The following KCNH7 variants were observed in gnomAD, a reference collection of about 807,000 sequenced individuals.
KCNH7 encodes the protein potassium voltage-gated channel subfamily H member 7.
Under a neutral mutation model 120.8 loss-of-function variants are expected in KCNH7, and 49 were observed. That is an observed-to-expected ratio of 0.41 (90% CI 0.32 to 0.51). The LOEUF is 0.51. KCNH7 is among the 20% of genes least tolerant of loss of function. The probability of loss-of-function intolerance (pLI) is 0.38; values close to 1 mark genes in which losing one functional copy is unlikely to be tolerated. For missense variants in KCNH7, 1,097 were observed against 1,446.6 expected, an observed-to-expected ratio of 0.76 and a Z score of 3.92; for synonymous variants, 547 against 516.1, an observed-to-expected ratio of 1.06 and a Z score of -0.81.
At chr2:162,690,042 G>A (rs1227956214) in intron 2 of KCNH7, among the ~76,000 whole-genome samples, 1 of 152,120 alleles carries the variant, frequency 6.6e-6, no homozygotes, top group Non-Finnish European at 1.5e-5. Flanking sequence ...GGAATAATAT[G>A]CAACCATAAA....
chr2:162,645,574 A>C (rs186732517), intron 2 of KCNH7, among the ~76,000 whole-genome samples: 1 of 152,316 alleles, frequency 6.6e-6, no homozygotes, highest in East Asian at 1.9e-4. Flanking sequence ...ATAAACGTTA[A>C]AATTAAAGAA....
chr2:162,397,069 T>C (rs897194954), intron 10 of KCNH7, 124 bp from the exon 11 acceptor site: 7 of 663,238 alleles, frequency 1.1e-5, no homozygotes, highest in African/African-American at 9.1e-5. Context: ...TGAGCAATGT[T>C]CCAGCACCTT....
chr2:162,435,743 C>CTTT, intron 7 of KCNH7, 146 bp from the exon 8 acceptor site: 1 of 647,760 alleles, frequency 1.5e-6, no homozygotes, highest in Non-Finnish European at 2.4e-6. Context: ...AAACTTGGTT[C>CTTT]TTTTTTTTTT....
At chr2:162,803,446 A>G (rs1573906877) in intron 2 of KCNH7, among the ~76,000 whole-genome samples, 6 of 151,702 alleles carry the variant, frequency 4.0e-5, no homozygotes, top group Admixed American at 3.9e-4. Flanking sequence ...CAGTCACAGA[A>G]CTTTATCATC....
intron 2 of KCNH7, among the ~76,000 whole-genome samples, chr2:162,700,988 C>T (rs781493886): frequency 8.5e-5 from 13 of 152,152 alleles, no homozygotes; most frequent in Non-Finnish European, 1.3e-4. Context: ...TATGCCAGGG[C>T]ACTGGTTTCA....
intron 13 of KCNH7, 129 bp from the exon 14 acceptor site, chr2:162,380,150 C>T: frequency 9.1e-7 from 1 of 1,103,472 alleles, no homozygotes; most frequent in Non-Finnish European, 1.3e-6. Flanking sequence ...CAAAAGTATT[C>T]AGTGATGTGT....
chr2:162,752,907 A>AAGAAAAGAAAT (rs1688615458), intron 2 of KCNH7, among the ~76,000 whole-genome samples: 16 of 29,806 alleles, frequency 5.4e-4, no homozygotes, highest in Non-Finnish European at 6.2e-4. Flanking sequence ...TCTCAGAAAA[A>AAGAAAAGAAAT]GAAAAGAAAA....
Position 162,517,817 on chromosome 2 carries a change from T to C in KCNH7, c.805A>G (p.Ser269Gly), listed in dbSNP as rs747994474. Residue 269 changes from serine (S) to glycine (G), a missense_variant, in exon 4 of 16, where the codon AGT becomes GGT. Ser to Gly is a moderately conservative substitution (Grantham distance 56). This residue lies in a region of KCNH7 where 362 missense variants were observed against 372.2 expected (regional missense o/e 0.97). Coordinates refer to ENST00000332142, the MANE Select transcript of KCNH7 (RefSeq NM_033272.4). The part of the protein sequence containing the change: ...SHSRSRESLC[S>G]IRRASSVHDI... ...TGGACCGAAGATGCTCTCCGTATAC[T>C]ACATAAGCTTTCCCTTGATCTGGAA... 7.4e-6 allele frequency: 12 copies of C among 1,612,320 alleles called. No individual in the cohort carries two copies. The highest frequency in any genetic ancestry group is 2.2e-5 in the East Asian group (1 of 44,736).
At chr2:162,746,844 T>C (rs1463975201) in intron 2 of KCNH7, among the ~76,000 whole-genome samples, 1 of 152,102 alleles carries the variant, frequency 6.6e-6, no homozygotes, top group Non-Finnish European at 1.5e-5. Flanking sequence ...CATGAAGCCT[T>C]TCAAAATTGT....
In KCNH7 at chr2:162,697,038, T is replaced by C. The variant is rs182019810; in HGVS notation, c.307+139499A>G. On this transcript the variant is annotated intron_variant, in intron 2 of 15. Coordinates refer to ENST00000332142, the MANE Select transcript of KCNH7 (RefSeq NM_033272.4). ...GTATAAACTGATGGAGGGGGTCTCTTTATAAAACTATTTCCATTAATAAAT... is the reference window on the plus strand; with the variant it reads ...GTATAAACTGATGGAGGGGGTCTCTCTATAAAACTATTTCCATTAATAAAT... Among the ~76,000 whole-genome samples, 36 of 152,278 alleles carry C rather than the reference T, an allele frequency of 2.4e-4. No individual in the cohort carries two copies. In the East Asian group the frequency reaches 6.4e-3, roughly 27 times the overall value.
chr2:162,521,582 A>C (rs1027987433), intron 3 of KCNH7, among the ~76,000 whole-genome samples: 1 of 151,900 alleles, frequency 6.6e-6, no homozygotes, highest in African/African-American at 2.4e-5. Flanking sequence ...TAGTGACACA[A>C]ATCATTGCAA....
chr2:162,668,055 T>C (rs1485360333), intron 2 of KCNH7, among the ~76,000 whole-genome samples: 1 of 152,220 alleles, frequency 6.6e-6, no homozygotes, highest in Non-Finnish European at 1.5e-5. Context: ...AACTCTGTGA[T>C]TAATGTTCAT....
intron 4 of KCNH7, among the ~76,000 whole-genome samples, chr2:162,513,617 T>C (rs1691188717): frequency 6.6e-6 from 1 of 151,546 alleles, no homozygotes; most frequent in Non-Finnish European, 1.5e-5. Context: ...CCTTAGTAGC[T>C]GGGACTACAA....
chr2:162,575,889 C>T (rs1036714802), intron 2 of KCNH7, among the ~76,000 whole-genome samples: 1 of 152,058 alleles, frequency 6.6e-6, no homozygotes, highest in African/African-American at 2.4e-5. Context: ...TGCCATGTAG[C>T]TGTAAAATTA....
At chr2:162,465,644 G>T (rs1360007250) in intron 6 of KCNH7, among the ~76,000 whole-genome samples, 1 of 152,162 alleles carries the variant, frequency 6.6e-6, no homozygotes, top group Non-Finnish European at 1.5e-5. Context: ...AGTGAGTCAT[G>T]CTGAGTAATG....
At chr2:162,431,030 C>T (rs1330833857) in intron 8 of KCNH7, among the ~76,000 whole-genome samples, 1 of 151,966 alleles carries the variant, frequency 6.6e-6, no homozygotes, top group Non-Finnish European at 1.5e-5. Context: ...TATCTGGTTA[C>T]TGTACTCTGT....
rs188194311 is a variant in KCNH7 at position 162,504,414 on chromosome 2, T to C, written c.1128+29A>G. ...GTGCAGAAACAAACCTCTAAAACAG[T>C]TGAAATTGATAAGAAAATTGTGTCC... On this transcript the variant is annotated intron_variant, in intron 6 of 15. Transcript: ENST00000332142. 2.6e-3 allele frequency: 3,974 copies of C among 1,520,100 alleles called. 11 individuals are homozygous for C. Among genetic ancestry groups the C allele is most frequent in the Middle Eastern group, 5.9e-3 (35 of 5,900 alleles). The allele number at this position is 1,520,100 out of a possible 1,614,324, so 94.2% of individuals were successfully genotyped here.
intron 2 of KCNH7, among the ~76,000 whole-genome samples, chr2:162,684,956 C>T (rs1685834697): frequency 6.6e-6 from 1 of 152,120 alleles, no homozygotes; most frequent in Non-Finnish European, 1.5e-5. Context: ...CCCAAACGCC[C>T]ATCAGTGATA....
At position 162,594,491 on chromosome 2, in the gene KCNH7, T is replaced by C. The variant is rs185172436; in HGVS notation, c.308-57411A>G. Among the ~76,000 whole-genome samples the C allele has an allele frequency of 1.2e-4, 18 of 152,138 alleles. No homozygotes were observed. In the East Asian group the frequency reaches 3.5e-3, roughly 30 times the overall value. ...AGCATTACTGTAATAACACAGCTAGTTGAGAATACTAGAGGGAAAGAAAAA... is the reference window on the plus strand; with the variant it reads ...AGCATTACTGTAATAACACAGCTAGCTGAGAATACTAGAGGGAAAGAAAAA... On this transcript the variant is annotated intron_variant, in intron 2 of 15. Transcript: ENST00000332142.
Sources: allele counts gnomAD v4.1 joint callset (sites outside exome capture counted in the v4.1 genomes callset), GRCh38; gene constraint gnomAD v4.1.1; regional missense constraint gnomAD v4.1.1; transcripts MANE v1.5; gene names NCBI Gene and HGNC (gene_info 2026-07-23, HGNC 2026-07-21).